Variants in NDST3 observed in about 807,000 individuals in gnomAD.
NDST3 encodes the protein N-deacetylase and N-sulfotransferase 3.
NDST3 carries 58 observed loss-of-function variants against 96.1 expected under a neutral mutation model. The ratio of observed to expected loss-of-function variants is 0.60; its 90% CI spans 0.49 to 0.75. The LOEUF (loss-of-function observed/expected upper bound fraction) is 0.75. Ranked by LOEUF, NDST3 falls within the 30% of genes least tolerant of loss-of-function variation. NDST3 has a pLI of 0.00. For missense variants in NDST3, 788 were observed against 1,034.2 expected (o/e 0.76, Z 3.27); for synonymous variants, 333 against 359.7 (o/e 0.93, Z 0.84).
At chr4:118,106,265 G>C (rs935374561) in intron 3 of NDST3, among the ~76,000 whole-genome samples, 1 of 152,012 alleles carries the variant, frequency 6.6e-6, no homozygotes, top group African/African-American at 2.4e-5. Flanking sequence ...CTTAATTTTA[G>C]GCCGTTCAAT....
chr4:118,224,913 A>C (rs1739779426), intron 7 of NDST3, among the ~76,000 whole-genome samples: 1 of 152,196 alleles, frequency 6.6e-6, no homozygotes, highest in African/African-American at 2.4e-5. Context: ...GACAGATTCA[A>C]TGAATATAAC....
At chr4:118,097,781 A>G (rs568149739) in intron 2 of NDST3, among the ~76,000 whole-genome samples, 78 of 152,056 alleles carry the variant, frequency 5.1e-4, no homozygotes, top group Admixed American at 3.3e-4. Flanking sequence ...AAAGTAGTAA[A>G]TAAGTGTTCT....
At chr4:118,219,995 T>C (rs1028362279) in intron 6 of NDST3, among the ~76,000 whole-genome samples, 8 of 151,888 alleles carry the variant, frequency 5.3e-5, no homozygotes, top group Non-Finnish European at 7.4e-5. Flanking sequence ...TGTGGAGAAA[T>C]AGGAACACTT....
chr4:118,115,650 T>C (rs1259158075), intron 4 of NDST3, among the ~76,000 whole-genome samples: 1 of 152,176 alleles, frequency 6.6e-6, no homozygotes, highest in Non-Finnish European at 1.5e-5. Flanking sequence ...GGGAAATTTA[T>C]AGTAAAAGTT....
At chr4:118,084,210 C>T (rs548067445) in intron 2 of NDST3, among the ~76,000 whole-genome samples, 8 of 151,782 alleles carry the variant, frequency 5.3e-5, no homozygotes, top group African/African-American at 1.7e-4. Flanking sequence ...TAGGTTTTAG[C>T]TACTCTTGCT....
chr4:118,095,734 A>G (rs1729248056), intron 2 of NDST3, among the ~76,000 whole-genome samples: 1 of 150,754 alleles, frequency 6.6e-6, no homozygotes, highest in Non-Finnish European at 1.5e-5. Context: ...GTTGCACCCA[A>G]TTTTCCCTAC....
At chr4:118,073,015 T>G (rs946515207) in intron 2 of NDST3, among the ~76,000 whole-genome samples, 2 of 152,186 alleles carry the variant, frequency 1.3e-5, no homozygotes, top group African/African-American at 2.4e-5. Context: ...TCTGTTTATG[T>G]GATAAAACAC....
chr4:118,129,349 T>C (rs187234952), intron 4 of NDST3, among the ~76,000 whole-genome samples: 9 of 152,060 alleles, frequency 5.9e-5, no homozygotes, highest in Non-Finnish European at 8.8e-5. Context: ...CTTAGTGCTG[T>C]TTTTGCTGTA....
intron 2 of NDST3, among the ~76,000 whole-genome samples, chr4:118,103,781 G>A (rs1481379573): frequency 5.9e-5 from 9 of 152,114 alleles, no homozygotes; most frequent in African/African-American, 1.2e-4. Flanking sequence ...TCATCAGGAC[G>A]CACATATTAC....
At chr4:118,077,166 G>A (rs1727615314) in intron 2 of NDST3, among the ~76,000 whole-genome samples, 2 of 152,174 alleles carry the variant, frequency 1.3e-5, no homozygotes, top group Admixed American at 1.3e-4. Context: ...CGCAGGAAGG[G>A]CCAATGTGTT....
intron 4 of NDST3, among the ~76,000 whole-genome samples, chr4:118,121,839 T>G (rs1007979473): frequency 1.1e-4 from 16 of 152,326 alleles, no homozygotes; most frequent in African/African-American, 3.4e-4. Context: ...CTCTTACCCA[T>G]ATCTACAGTA....
chr4:118,057,779 G>A (rs894337543), intron 2 of NDST3, among the ~76,000 whole-genome samples: 5 of 152,020 alleles, frequency 3.3e-5, no homozygotes, highest in African/African-American at 9.7e-5. Flanking sequence ...TTGACTAAGG[G>A]GGTCAAGATG....
At chr4:118,207,892 G>A (rs76748255) in intron 6 of NDST3, among the ~76,000 whole-genome samples, 1 of 143,964 alleles carries the variant, frequency 6.9e-6, no homozygotes, top group African/African-American at 2.6e-5. Flanking sequence ...TTGAATCTAT[G>A]GTTCAGATTT....
At chr4:118,146,908 G>T (rs773717450) in intron 6 of NDST3, among the ~76,000 whole-genome samples, 2 of 152,142 alleles carry the variant, frequency 1.3e-5, no homozygotes, top group Non-Finnish European at 2.9e-5. Context: ...CCCAACTGAT[G>T]ACTTCCTCAT....
chr4:118,248,022 G>T (rs565406387), intron 12 of NDST3, among the ~76,000 whole-genome samples: 1 of 152,112 alleles, frequency 6.6e-6, no homozygotes, highest in East Asian at 1.9e-4. Context: ...CGATTAACCC[G>T]CACGAGGGTA....
chr4:118,212,998 C>T (rs181653925), intron 6 of NDST3, among the ~76,000 whole-genome samples: 2 of 152,286 alleles, frequency 1.3e-5, no homozygotes, highest in East Asian at 3.9e-4. Context: ...CTAACATTTG[C>T]TCCCCTATAG....
Position 118,238,283 on chromosome 4 carries a change from A to G in NDST3, c.2118+1063A>G, listed in dbSNP as rs954881802. On this transcript the variant is annotated intron_variant, in intron 10 of 13. Transcript: ENST00000296499. ...CATCCCTGAGAGCCTAACATGTCTA[A>G]ATGTTTCTTGTATACTCATTGCCAT... is the stretch of plus-strand genomic sequence containing the variant. 3.3e-5 allele frequency among the ~76,000 whole-genome samples: 5 copies of G among 152,146 alleles called. No homozygotes were observed. In the South Asian group the frequency reaches 1.0e-3, roughly 32 times the overall value.
chr4:118,069,437 C>T (rs1418345879), intron 2 of NDST3, among the ~76,000 whole-genome samples: 2 of 151,948 alleles, frequency 1.3e-5, no homozygotes, highest in South Asian at 2.1e-4. Context: ...TTTAAACATT[C>T]GCCTTTGAGA....
chr4:118,163,903 T>C (rs574259791), intron 6 of NDST3, among the ~76,000 whole-genome samples: 15 of 152,094 alleles, frequency 9.9e-5, no homozygotes, highest in Non-Finnish European at 1.8e-4. Context: ...TTGGTGGTAA[T>C]GTAAATTAGT....
Sources: allele counts gnomAD v4.1 joint callset (sites outside exome capture counted in the v4.1 genomes callset), GRCh38; gene constraint gnomAD v4.1.1; transcripts MANE v1.5; gene names NCBI Gene and HGNC (gene_info 2026-07-23, HGNC 2026-07-21).